GRID2: variants seen among roughly 807,000 people sequenced by gnomAD.
GRID2 encodes the protein glutamate receptor ionotropic, delta-2.
A neutral mutation model predicts 114.8 loss-of-function variants in GRID2; 33 were observed. That is an observed-to-expected ratio of 0.29 (90% CI 0.22 to 0.38). GRID2 has a LOEUF of 0.38. Among genes scored for constraint, GRID2 ranks in the 10% least tolerant of loss-of-function variants. The pLI is 1.00. For synonymous variants in GRID2, 505 were observed against 449.9 expected (o/e 1.12, Z -1.55); for missense variants, 1,184 against 1,257.7 (o/e 0.94, Z 0.89).
At chr4:93,763,091 C>T (rs957387163) in intron 14 of GRID2, among the ~76,000 whole-genome samples, 1 of 152,088 alleles carries the variant, frequency 6.6e-6, no homozygotes. Context: ...TGAACCCAAG[C>T]CCATCCCACC....
chr4:93,605,360 A>T (rs747445431), intron 13 of GRID2, among the ~76,000 whole-genome samples: 2 of 152,212 alleles, frequency 1.3e-5, no homozygotes, highest in Non-Finnish European at 2.9e-5. Context: ...AAAACATTCT[A>T]TGAAACTGTG....
intron 2 of GRID2, among the ~76,000 whole-genome samples, chr4:92,684,351 C>T (rs1416202980): frequency 2.0e-5 from 3 of 151,808 alleles, no homozygotes; most frequent in Non-Finnish European, 4.4e-5. Context: ...ATTAGTTAAA[C>T]ATAATTTTAC....
chr4:92,397,005 G>A (rs751326071), intron 1 of GRID2, among the ~76,000 whole-genome samples: 2 of 151,654 alleles, frequency 1.3e-5, no homozygotes, highest in African/African-American at 2.4e-5. Flanking sequence ...AATGAATCAC[G>A]TTTTAAAACA....
intron 8 of GRID2, among the ~76,000 whole-genome samples, chr4:93,241,504 A>C (rs1460960186): frequency 6.6e-6 from 1 of 151,802 alleles, no homozygotes; most frequent in African/African-American, 2.4e-5. Context: ...TTTATATAAA[A>C]TTGCTTATAC....
At chr4:92,463,088 A>G (rs377665831) in intron 1 of GRID2, among the ~76,000 whole-genome samples, 3 of 152,134 alleles carry the variant, frequency 2.0e-5, no homozygotes, top group African/African-American at 7.2e-5. Context: ...TGCTATCATT[A>G]CATGCTTTTT....
At chr4:92,528,221 T>G (rs1420512221) in intron 1 of GRID2, among the ~76,000 whole-genome samples, 5 of 151,380 alleles carry the variant, frequency 3.3e-5, no homozygotes, top group Non-Finnish European at 7.4e-5. Context: ...ACAAAATAAG[T>G]GTATGTACAA....
At chr4:93,449,479 G>C (rs1460372312) in intron 10 of GRID2, among the ~76,000 whole-genome samples, 2 of 151,912 alleles carry the variant, frequency 1.3e-5, no homozygotes, top group African/African-American at 2.4e-5. Context: ...ATTACAGAAT[G>C]GATTATTAAT....
At chr4:93,632,434 T>C (rs1324120748) in intron 14 of GRID2, among the ~76,000 whole-genome samples, 1 of 152,230 alleles carries the variant, frequency 6.6e-6, no homozygotes, top group Non-Finnish European at 1.5e-5. Flanking sequence ...TTTTTCCATA[T>C]GGCTAACCAG....
intron 2 of GRID2, among the ~76,000 whole-genome samples, chr4:92,738,907 G>A (rs543465167): frequency 6.6e-6 from 1 of 152,184 alleles, no homozygotes; most frequent in East Asian, 1.9e-4. Context: ...GCTCTAAGCA[G>A]TTCTCCCATG....
chr4:93,201,179 T>A (rs1742070747), intron 4 of GRID2, among the ~76,000 whole-genome samples: 1 of 152,220 alleles, frequency 6.6e-6, no homozygotes, highest in Admixed American at 6.5e-5. Flanking sequence ...ATTTTTATGT[T>A]AATTATATTT....
intron 2 of GRID2, among the ~76,000 whole-genome samples, chr4:92,835,472 A>G (rs1742389625): frequency 6.6e-6 from 1 of 152,114 alleles, no homozygotes; most frequent in Non-Finnish European, 1.5e-5. Context: ...GGTTCAGGAA[A>G]TTCTACAGAT....
intron 2 of GRID2, among the ~76,000 whole-genome samples, chr4:92,770,510 G>C (rs1178037175): frequency 2.0e-5 from 3 of 152,088 alleles, no homozygotes; most frequent in Non-Finnish European, 2.9e-5. Context: ...TCATGTTGCT[G>C]ATAAAGACAT....
At chr4:93,163,384 A>ATATATATG (rs1737912692) in intron 4 of GRID2, among the ~76,000 whole-genome samples, 1 of 39,430 alleles carries the variant, frequency 2.5e-5, no homozygotes, top group African/African-American at 1.4e-4. Context: ...ATATATATAT[A>ATATATATG]TATATATATA....
rs567838358 is a variant in GRID2 at position 93,458,946 on chromosome 4, G to A, written c.1858+2972G>A. ...GCACATGCCAGCACTTTGGGAGGCC[G>A]AGGCAGGCGGATCACCTGAGGTCAG... On this transcript the variant is annotated intron_variant, in intron 11 of 15. Transcript: ENST00000282020. Among the ~76,000 whole-genome samples, 93 of 152,072 alleles carry A rather than the reference G, an allele frequency of 6.1e-4. 1 individual carries two copies. In the South Asian group the frequency reaches 0.011, roughly 19 times the overall value.
intron 1 of GRID2, among the ~76,000 whole-genome samples, chr4:92,463,718 G>C (rs1019881774): frequency 1.3e-5 from 2 of 151,854 alleles, no homozygotes; most frequent in Admixed American, 6.6e-5. Flanking sequence ...TTTGTGTAGA[G>C]AATCTTGTAT....
At chr4:92,463,905 C>T (rs1721616465) in intron 1 of GRID2, among the ~76,000 whole-genome samples, 1 of 151,832 alleles carries the variant, frequency 6.6e-6, no homozygotes, top group African/African-American at 2.4e-5. Flanking sequence ...ATCTTCCCAT[C>T]TCTCTGCTTC....
intron 8 of GRID2, among the ~76,000 whole-genome samples, chr4:93,246,417 C>G (rs1329139761): frequency 6.6e-6 from 1 of 151,804 alleles, no homozygotes; most frequent in African/African-American, 2.4e-5. Context: ...GAAACCTCGC[C>G]TCTACTAAAA....
At chr4:92,974,601 G>C (rs1458307824) in intron 2 of GRID2, among the ~76,000 whole-genome samples, 1 of 151,814 alleles carries the variant, frequency 6.6e-6, no homozygotes, top group African/African-American at 2.4e-5. Flanking sequence ...AAAACCATCT[G>C]CATGTTCTCA....
At chr4:93,209,856 T>C (rs1743249919) in intron 5 of GRID2, among the ~76,000 whole-genome samples, 1 of 152,140 alleles carries the variant, frequency 6.6e-6, no homozygotes, top group Non-Finnish European at 1.5e-5. Context: ...TGATCAGCGA[T>C]GTTGAGCTTT....
Sources: allele counts gnomAD v4.1 joint callset (sites outside exome capture counted in the v4.1 genomes callset), GRCh38; gene constraint gnomAD v4.1.1; transcripts MANE v1.5; gene names NCBI Gene and HGNC (gene_info 2026-07-23, HGNC 2026-07-21).